The following SPOCK3 variants were observed in gnomAD, a reference collection of about 807,000 sequenced individuals.
The protein encoded by SPOCK3 is SPARC (osteonectin), cwcv and kazal like domains proteoglycan 3, also known as testican-3.
A neutral mutation model predicts 56.6 loss-of-function variants in SPOCK3; 30 were observed. The observed-to-expected ratio is 0.53, with a 90% confidence interval of 0.40 to 0.72. The LOEUF (loss-of-function observed/expected upper bound fraction) is 0.72, where lower values mean the gene tolerates loss of function less well. Among genes scored for constraint, SPOCK3 ranks in the 30% least tolerant of loss-of-function variants. The pLI, the probability that SPOCK3 is intolerant of heterozygous loss-of-function variation, is 0.00. For missense variants in SPOCK3, 527 were observed against 530.0 expected, an observed-to-expected ratio of 0.99 and a Z score of 0.06; for synonymous variants, 196 against 183.3, an observed-to-expected ratio of 1.07 and a Z score of -0.56.
chr4:166,949,889 C>A (rs944695874), intron 4 of SPOCK3, among the ~76,000 whole-genome samples: 26 of 151,494 alleles, frequency 1.7e-4, no homozygotes, highest in Admixed American at 2.6e-4. Context: ...AAATGCTGAG[C>A]AATTTTGTCA....
At chr4:167,152,931 C>G (rs971853607) in intron 2 of SPOCK3, among the ~76,000 whole-genome samples, 1 of 152,004 alleles carries the variant, frequency 6.6e-6, no homozygotes. Context: ...TTAGCATGCA[C>G]GAAAGTGAAC....
intron 6 of SPOCK3, among the ~76,000 whole-genome samples, chr4:166,802,048 T>C (rs1742657163): frequency 6.6e-6 from 1 of 151,886 alleles, no homozygotes; most frequent in Admixed American, 6.6e-5. Context: ...AGTCAGAAAG[T>C]TTTTCCCAAA....
intron 3 of SPOCK3, among the ~76,000 whole-genome samples, chr4:167,031,598 C>T (rs114651190): frequency 0.012 from 1,896 of 152,056 alleles, 19 homozygotes; most frequent in Non-Finnish European, 0.019. Flanking sequence ...AAGATGTCTG[C>T]TCGCCTACAG....
At position 166,914,553 on chromosome 4, in the gene SPOCK3, C is replaced by T. The variant is rs1292950068; in HGVS notation, c.351-1810G>A. Among the ~76,000 whole-genome samples the T allele has an allele frequency of 3.9e-5, 6 of 152,094 alleles. No homozygotes were observed. The East Asian group carries it at 1.2e-3, about 29-fold the overall frequency. Reference sequence around the variant, plus strand: ...TGGGAGGCCGAGACAGGCGGATCACCTGAGGTTGGGAGTTTGAGACCAGCC... The same window carrying T: ...TGGGAGGCCGAGACAGGCGGATCACTTGAGGTTGGGAGTTTGAGACCAGCC... On this transcript the variant is annotated intron_variant, in intron 4 of 10. Transcript: ENST00000357545.
In SPOCK3 at chr4:166,792,202, T is replaced by A. The variant is rs1326411925; in HGVS notation, c.677A>T (p.Lys226Met). The A allele has an allele frequency of 6.2e-7, 1 of 1,613,954 alleles. No individual in the cohort carries two copies. The highest frequency in any genetic ancestry group is 1.7e-5 in the Admixed American group (1 of 60,012). The change falls in exon 7 of 11, where the codon AAG (lysine) becomes ATG (methionine). Residue 226 changes from lysine (K) to methionine (M), a missense_variant. Coordinates refer to ENST00000357545, the MANE Select transcript of SPOCK3 (RefSeq NM_001040159.2). The part of the protein sequence containing the change: ...ALHESGSQNK[K>M]TKTLLRPERS... ...CTCAGGCCTCAGCAATGTTTTTGTC[T>A]TCTTGTTTTGACTTCCACTTTCATG... is the stretch of plus-strand genomic sequence containing the variant.
intron 2 of SPOCK3, among the ~76,000 whole-genome samples, chr4:167,222,504 T>TATA (rs1736032822): frequency 2.7e-5 from 4 of 146,490 alleles, no homozygotes; most frequent in African/African-American, 7.5e-5. Context: ...TATGAATATA[T>TATA]GAATATATAA....
intron 6 of SPOCK3, among the ~76,000 whole-genome samples, chr4:166,825,495 A>G (rs1264477445): frequency 6.6e-6 from 1 of 152,114 alleles, no homozygotes; most frequent in Admixed American, 6.6e-5. Context: ...TTAAAGAACT[A>G]AAAGTAAAAC....
chr4:166,734,778 T>A lies in SPOCK3; in HGVS notation c.*143A>T. 1 of 705,048 alleles carries A rather than the reference T, an allele frequency of 1.4e-6. No individual in the cohort carries two copies. Among genetic ancestry groups the A allele is most frequent in the Non-Finnish European group, 2.2e-6 (1 of 447,884 alleles). The allele number at this position is 705,048 out of a possible 1,614,324, so 43.7% of individuals were successfully genotyped here. On this transcript the variant is annotated 3_prime_UTR_variant, in exon 11 of 11. Coordinates refer to ENST00000357545, the MANE Select transcript of SPOCK3 (RefSeq NM_001040159.2). Reference sequence around the variant, plus strand: ...ATTTAAACATAAAGTTCTATAACTTTAGCTGCAATTTTTCAAATAATTATA... The same window carrying A: ...ATTTAAACATAAAGTTCTATAACTTAAGCTGCAATTTTTCAAATAATTATA...
chr4:166,938,048 T>A lies in SPOCK3; in HGVS notation c.351-25305A>T, dbSNP rs372117554. On this transcript the variant is annotated intron_variant, in intron 4 of 10. Transcript: ENST00000357545. ...TCCACCCTATCTGCCCGCCTCAGCCTCCCAAAGTGCTGGGATTACAGTCAT... is the reference window on the plus strand; with the variant it reads ...TCCACCCTATCTGCCCGCCTCAGCCACCCAAAGTGCTGGGATTACAGTCAT... Among the ~76,000 whole-genome samples the A allele has an allele frequency of 1.4e-3, 206 of 151,174 alleles. 1 individual carries two copies. Among genetic ancestry groups the A allele is most frequent in the African/African-American group, 4.3e-3 (179 of 41,298 alleles).
At chr4:166,787,380 A>C (rs914109856) in intron 7 of SPOCK3, among the ~76,000 whole-genome samples, 3 of 152,202 alleles carry the variant, frequency 2.0e-5, no homozygotes, top group African/African-American at 7.2e-5. Context: ...TTGACACTAA[A>C]TATAAATAAG....
At chr4:166,904,253 T>C (rs1736375303) in intron 5 of SPOCK3, among the ~76,000 whole-genome samples, 1 of 152,012 alleles carries the variant, frequency 6.6e-6, no homozygotes, top group Non-Finnish European at 1.5e-5. Flanking sequence ...TAGTGTATGT[T>C]ATATATCTTA....
chr4:167,132,103 T>G (rs1762753716), intron 2 of SPOCK3, among the ~76,000 whole-genome samples: 1 of 152,212 alleles, frequency 6.6e-6, no homozygotes, highest in Non-Finnish European at 1.5e-5. Flanking sequence ...TAAAGACACA[T>G]TTCATGTGAA....
chr4:166,784,038 A>G (rs181228344), intron 7 of SPOCK3, among the ~76,000 whole-genome samples: 7 of 152,240 alleles, frequency 4.6e-5, no homozygotes, highest in Admixed American at 3.3e-4. Flanking sequence ...AAATTGCTTA[A>G]CACCCTACAT....
chr4:167,013,213 A>T (rs1750262649), intron 3 of SPOCK3, among the ~76,000 whole-genome samples: 1 of 151,972 alleles, frequency 6.6e-6, no homozygotes, highest in South Asian at 2.1e-4. Context: ...ATGATATCTT[A>T]ATACATGTTT....
At chr4:166,903,098 A>G (rs1736231855) in intron 5 of SPOCK3, among the ~76,000 whole-genome samples, 1 of 147,242 alleles carries the variant, frequency 6.8e-6, no homozygotes, top group Admixed American at 6.8e-5. Context: ...TATTTATTTA[A>G]TTTATATTTA....
At chr4:167,055,813 T>A (rs1754758291) in intron 3 of SPOCK3, among the ~76,000 whole-genome samples, 1 of 152,188 alleles carries the variant, frequency 6.6e-6, no homozygotes, top group South Asian at 2.1e-4. Context: ...TTGAACTGGG[T>A]GGAGCCCACC....
intron 6 of SPOCK3, among the ~76,000 whole-genome samples, chr4:166,850,079 A>G (rs1406467863): frequency 6.6e-6 from 1 of 152,154 alleles, no homozygotes; most frequent in African/African-American, 2.4e-5. Context: ...CTCTGCTTTC[A>G]TTTTTGCAGG....
chr4:166,940,760 A>C (rs1217400537), intron 4 of SPOCK3, among the ~76,000 whole-genome samples: 3 of 147,598 alleles, frequency 2.0e-5, no homozygotes, highest in Non-Finnish European at 4.5e-5. Context: ...TACATTCTTC[A>C]TAAGGAGGTG....
At chr4:167,049,525 T>C (rs1182190349) in intron 3 of SPOCK3, among the ~76,000 whole-genome samples, 9 of 152,086 alleles carry the variant, frequency 5.9e-5, no homozygotes, top group South Asian at 4.1e-4. Flanking sequence ...CATGAGTCAG[T>C]TTGAGGAGCA....
Sources: allele counts gnomAD v4.1 joint callset (sites outside exome capture counted in the v4.1 genomes callset), GRCh38; gene constraint gnomAD v4.1.1; transcripts MANE v1.5; gene names NCBI Gene and HGNC (gene_info 2026-07-23, HGNC 2026-07-21).